Variants in OR5K1 observed in about 807,000 individuals in gnomAD.
OR5K1 encodes the protein olfactory receptor family 5 subfamily K member 1, also known as olfactory receptor 5K1.
A neutral mutation model predicts 10.4 loss-of-function variants in OR5K1; 7 were observed. The ratio of observed to expected loss-of-function variants is 0.67; its 90% CI spans 0.38 to 1.26. OR5K1 has a LOEUF of 1.26. Ranked by LOEUF, OR5K1 falls within the 50% of genes most tolerant of loss-of-function variation. OR5K1 has a pLI of 0.02. For synonymous variants in OR5K1, 135 were observed against 128.5 expected (o/e 1.05, Z -0.34); for missense variants, 435 against 366.2 (o/e 1.19, Z -1.53).
rs548121251 is a variant in OR5K1 at position 98,470,291 on chromosome 3, T to C, written c.715T>C (p.Ser239Pro). ...KSKEGRAKAFSTCASHFLSVS... is the reference protein window; with the variant it reads ...KSKEGRAKAFPTCASHFLSVS... ...CAAAGAGGGAAGGGCCAAAGCTTTT[T>C]CTACCTGTGCATCCCACTTTTTGTC... The change falls in exon 2 of 2, where the codon TCT becomes CCT. Residue 239 changes from serine (S) to proline (P), a missense_variant. By Grantham distance (74) the Ser-to-Pro change is moderately conservative. Transcript: ENST00000642057. 7 of 1,613,396 alleles carry C rather than the reference T, an allele frequency of 4.3e-6. No individual in the cohort carries two copies. In the Admixed American group the frequency reaches 1.2e-4, roughly 27 times the overall value.
In OR5K1 at chr3:98,471,849, T is replaced by A. The variant is rs1016425619; in HGVS notation, c.*1346T>A. ...GATGAATTTCCAATTCCCTAACTCA[T>A]CAATGCAAAAATATAACCACCTAGT... On this transcript the variant is annotated 3_prime_UTR_variant, in exon 2 of 2. Transcript: ENST00000642057. 2 of 152,166 alleles carry A rather than the reference T, an allele frequency of 1.3e-5. No homozygotes were observed. The highest frequency in any genetic ancestry group is 2.9e-5 in the Non-Finnish European group (2 of 67,960). The allele number at this position is 152,166 out of a possible 1,614,324, so 9.4% of individuals were successfully genotyped here.
intron 1 of OR5K1, 50 bp from the exon 2 acceptor site, chr3:98,469,516 C>T (rs1474819445): frequency 1.3e-6 from 2 of 1,518,946 alleles, no homozygotes; most frequent in Non-Finnish European, 1.8e-6. Context: ...ACCTAAATAA[C>T]TGTGGCATAT....
At chr3:98,469,423 C>CT (rs1705413576) in intron 1 of OR5K1, 143 bp from the exon 2 acceptor site, 2 of 689,822 alleles carry the variant, frequency 2.9e-6, no homozygotes, top group Non-Finnish European at 4.8e-6. Flanking sequence ...AATTCATTCT[C>CT]CCCATGAATG....
chr3:98,464,815 T>C (rs994836463), intron 1 of OR5K1, among the ~76,000 whole-genome samples: 2 of 152,192 alleles, frequency 1.3e-5, no homozygotes, highest in African/African-American at 4.8e-5. Flanking sequence ...TAGTTTGAGA[T>C]GCAGGATTGC....
intron 1 of OR5K1, 27 bp from the exon 2 acceptor site, chr3:98,469,539 C>T (rs1446306454): frequency 1.3e-6 from 2 of 1,575,650 alleles, no homozygotes; most frequent in Non-Finnish European, 1.7e-6. Context: ...TAAATTAGTG[C>T]CTTCTTTCTC....
chr3:98,468,193 AG>A (rs1705397589), intron 1 of OR5K1, among the ~76,000 whole-genome samples: 1 of 151,970 alleles, frequency 6.6e-6, no homozygotes, highest in South Asian at 2.1e-4. Flanking sequence ...CCCACCCCAG[AG>A]GGGTAAAAAT....
At chr3:98,463,987 G>T (rs111600603) in intron 1 of OR5K1, among the ~76,000 whole-genome samples, 25 of 152,238 alleles carry the variant, frequency 1.6e-4, no homozygotes, top group Middle Eastern at 3.4e-3. Context: ...AGGTGCAGTG[G>T]CTCATGCCTG....
Position 98,472,157 on chromosome 3 carries a change from G to A in OR5K1, c.*1654G>A, listed in dbSNP as rs1005636704. On this transcript the variant is annotated 3_prime_UTR_variant, in exon 2 of 2. Transcript: ENST00000642057. ...TGCCACCATCACTTCAGGTATCTAC[G>A]TCCATGTCTACTCCTCAGGCTGCAT... The A allele has an allele frequency of 1.3e-5, 2 of 151,968 alleles. No homozygotes were observed. The highest frequency in any genetic ancestry group is 1.9e-4 in the East Asian group (1 of 5,144). 9.4% of individuals were successfully genotyped at this position (151,968 alleles called of 1,614,324 possible).
chr3:98,471,569 A>T lies in OR5K1; in HGVS notation c.*1066A>T, dbSNP rs989641422. 1 of 152,038 alleles carries T rather than the reference A, an allele frequency of 6.6e-6. No homozygotes were observed. Among genetic ancestry groups the T allele is most frequent in the African/African-American group, 2.4e-5 (1 of 41,408 alleles). 9.4% of individuals were successfully genotyped at this position (152,038 alleles called of 1,614,324 possible). A position where few individuals can be genotyped will look rare whatever the true frequency, so the allele number is the denominator to read the frequency against. On this transcript the variant is annotated 3_prime_UTR_variant, in exon 2 of 2. Coordinates refer to ENST00000642057, the MANE Select transcript of OR5K1 (RefSeq NM_001004736.4). ...ATTGTTCTGGGTGTTGGGCCATATCAGTTACAAAAAATGCCAGTTTTTCCA... is the reference window on the plus strand; with the variant it reads ...ATTGTTCTGGGTGTTGGGCCATATCTGTTACAAAAAATGCCAGTTTTTCCA...
intron 1 of OR5K1, among the ~76,000 whole-genome samples, chr3:98,464,015 G>A (rs1191041469): frequency 1.3e-5 from 2 of 152,146 alleles, no homozygotes; most frequent in Non-Finnish European, 2.9e-5. Context: ...AGCACTTTGG[G>A]AGGCTGAGGC....
rs889270988 is a variant in OR5K1 at position 98,469,548 on chromosome 3, T to C, written c.-11-18T>C. The C allele has an allele frequency of 3.8e-6, 6 of 1,590,376 alleles. No homozygotes were observed. In the African/African-American group the frequency reaches 6.8e-5, roughly 18 times the overall value. ...ATATTATAAATTAGTGCCTTCTTTC[T>C]CCACAATTTTTTTTCAGACAAGTCA... On this transcript the variant is annotated intron_variant, in intron 1 of 1. Transcript: ENST00000642057.
rs1705430648 is a variant in OR5K1, at chr3:98,470,277, G to T, written c.701G>T (p.Arg234Met). 6.2e-7 allele frequency: 1 copy of T among 1,613,178 alleles called. No homozygotes were observed. The highest frequency in any genetic ancestry group is 8.5e-7 in the Non-Finnish European group (1 of 1,179,492). Reference sequence around the variant, plus strand: ...TTCAAAATGAAATCCAAAGAGGGAAGGGCCAAAGCTTTTTCTACCTGTGCA... The same window carrying T: ...TTCAAAATGAAATCCAAAGAGGGAATGGCCAAAGCTTTTTCTACCTGTGCA... The part of the protein sequence containing the change: ...TIFKMKSKEG[R>M]AKAFSTCASH... The change falls in exon 2 of 2, where the codon AGG (arginine) becomes ATG (methionine). Residue 234 changes from arginine to methionine, a missense_variant. Arg to Met is a moderately conservative substitution (Grantham distance 91). Transcript: ENST00000642057.
chr3:98,470,814 A>T lies in OR5K1; in HGVS notation c.*311A>T. On this transcript the variant is annotated 3_prime_UTR_variant, in exon 2 of 2. Coordinates refer to ENST00000642057, the MANE Select transcript of OR5K1 (RefSeq NM_001004736.4). ...GGATGATAAGCATCCAAAAGAACAC[A>T]GCAAAACTGGAAGTTACAAGTTCAA... 1 of 179,608 alleles carries T rather than the reference A, an allele frequency of 5.6e-6. No individual in the cohort carries two copies. The highest frequency in any genetic ancestry group is 1.2e-5 in the Non-Finnish European group (1 of 86,400). 11.1% of individuals were successfully genotyped at this position (179,608 alleles called of 1,614,324 possible).
In OR5K1 at chr3:98,470,270, G is replaced by C. The variant is rs1378734652; in HGVS notation, c.694G>C (p.Glu232Gln). ...LLTIFKMKSK[E>Q]GRAKAFSTCA... Reference sequence around the variant, plus strand: ...TACTATTTTCAAAATGAAATCCAAAGAGGGAAGGGCCAAAGCTTTTTCTAC... The same window carrying C: ...TACTATTTTCAAAATGAAATCCAAACAGGGAAGGGCCAAAGCTTTTTCTAC... The change falls in exon 2 of 2, where the codon GAG becomes CAG. Residue 232 changes from glutamate to glutamine, a missense_variant. By Grantham distance (29) the Glu-to-Gln change is conservative. Coordinates refer to ENST00000642057, the MANE Select transcript of OR5K1 (RefSeq NM_001004736.4). 1 of 1,613,218 alleles carries C rather than the reference G, an allele frequency of 6.2e-7. No homozygotes were observed. The highest frequency in any genetic ancestry group is 8.5e-7 in the Non-Finnish European group (1 of 1,179,530).
Position 98,470,492 on chromosome 3 carries a change from A to G in OR5K1, c.916A>G (p.Met306Val), listed in dbSNP as rs1705435396. Reference sequence around the variant, plus strand: ...AATAAGTGTCTTAAGAAAAATTCTGATGAAGAAATAATCTCAAGAAAGATG... The same window carrying G: ...AATAAGTGTCTTAAGAAAAATTCTGGTGAAGAAATAATCTCAAGAAAGATG... ...EVISVLRKIL[M>V]KK The change falls in exon 2 of 2, where the codon ATG becomes GTG. Residue 306 changes from methionine to valine, a missense_variant. By Grantham distance (21) the Met-to-Val change is conservative (BLOSUM62 1). Coordinates refer to ENST00000642057, the MANE Select transcript of OR5K1 (RefSeq NM_001004736.4). The G allele has an allele frequency of 2.6e-6, 4 of 1,539,624 alleles. No individual in the cohort carries two copies. Among genetic ancestry groups the G allele is most frequent in the Non-Finnish European group, 3.6e-6 (4 of 1,121,266 alleles).
Position 98,470,353 on chromosome 3 carries a change from C to T in OR5K1, c.777C>T (p.Tyr259=), listed in dbSNP as rs147538704. Residue 259 remains tyrosine (Y), a synonymous_variant, in exon 2 of 2, where the codon TAC becomes TAT. Transcript: ENST00000642057. ...TCTATGGATCTCTTTTCTTCATGTA[C>T]GTTAGACCAAATTTGCTTGAAGAAG... ...SLFYGSLFFM[Y]VRPNLLEEGD... 3.8e-4 allele frequency: 618 copies of T among 1,613,116 alleles called. 1 individual carries two copies. In the African/African-American group the frequency reaches 5.4e-3, roughly 14 times the overall value.
chr3:98,466,719 G>A lies in OR5K1; in HGVS notation c.-11-2847G>A, dbSNP rs1288766259. 4.5e-3 allele frequency among the ~76,000 whole-genome samples: 574 copies of A among 127,278 alleles called. 11 individuals carry two copies. The highest frequency in any genetic ancestry group is 0.02 in the African/African-American group (546 of 27,856). 83.5% of individuals were successfully genotyped at this position (127,278 alleles called of 152,430 possible). A position where few individuals can be genotyped will look rare whatever the true frequency, so the allele number is the denominator to read the frequency against. On this transcript the variant is annotated intron_variant, in intron 1 of 1. Coordinates refer to ENST00000642057, the MANE Select transcript of OR5K1 (RefSeq NM_001004736.4). The stretch of plus-strand genomic sequence containing the variant: ...CTTCTTTTGAGAAGTGTCTGTTCAT[G>A]TCCTTCGCCCACTTTTTGATGGGGT...
At chr3:98,468,850 T>C (rs2107091632) in intron 1 of OR5K1, among the ~76,000 whole-genome samples, 1 of 152,282 alleles carries the variant, frequency 6.6e-6, no homozygotes, top group Middle Eastern at 3.4e-3. Flanking sequence ...TTTTGGGGAA[T>C]GTTGATACTA....
chr3:98,463,338 A>G (rs1368730078), intron 1 of OR5K1, 31 bp downstream of exon 1: 1 of 152,224 alleles, frequency 6.6e-6, no homozygotes, highest in East Asian at 1.9e-4. Context: ...TATTTTTGCT[A>G]GAAATATTAA....
Sources: gnomAD v4.1 joint callset for allele counts (sites outside exome capture counted in the v4.1 genomes callset) on GRCh38, gnomAD v4.1.1 for gene constraint, MANE v1.5 for transcripts, NCBI Gene and HGNC (gene_info 2026-07-23, HGNC 2026-07-21) for gene names.